MTA1: variants seen among roughly 807,000 people sequenced by gnomAD.
MTA1 encodes metastasis-associated protein MTA1.
Under a neutral mutation model 97.0 loss-of-function variants are expected in MTA1, and 15 were observed. The observed-to-expected ratio is 0.15, with a 90% CI of 0.10 to 0.24. The LOEUF (loss-of-function observed/expected upper bound fraction) is 0.24. Among genes scored for constraint, MTA1 ranks in the 10% least tolerant of loss-of-function variants. The pLI, the probability that MTA1 is intolerant of heterozygous loss-of-function variation, is 1.00. For synonymous variants in MTA1, 435 were observed against 417.5 expected, an observed-to-expected ratio of 1.04 and a Z score of -0.51; for missense variants, 709 against 1,015.1, an observed-to-expected ratio of 0.70 and a Z score of 4.10.
intron 7 of MTA1, among the ~76,000 whole-genome samples, chr14:105,457,109 C>T (rs1025142954): frequency 3.9e-5 from 6 of 152,214 alleles, no homozygotes; most frequent in African/African-American, 1.2e-4. Context: ...TCTGGAACCT[C>T]GGTGCTGCCC....
At chr14:105,435,856 G>A (rs1182130938) in intron 1 of MTA1, among the ~76,000 whole-genome samples, 1 of 152,142 alleles carries the variant, frequency 6.6e-6, no homozygotes, top group Non-Finnish European at 1.5e-5. Flanking sequence ...ACCCCTTCTC[G>A]TGTCAGTAGG....
rs367635719 is a variant in MTA1 at position 105,441,641 on chromosome 14, A to C, written c.96+2902A>C. Among the ~76,000 whole-genome samples, 722 of 152,282 alleles carry C rather than the reference A, an allele frequency of 4.7e-3. 5 individuals are homozygous for C. The highest frequency in any genetic ancestry group is 0.016 in the African/African-American group (685 of 41,548). On this transcript the variant is annotated intron_variant, in intron 2 of 20. Transcript: ENST00000331320. ...AACTCCGTCTCTACTAAAAATACAAAAAATTAGCCGGGCGTGGTGGCGGGC... is the reference window on the plus strand; with the variant it reads ...AACTCCGTCTCTACTAAAAATACAACAAATTAGCCGGGCGTGGTGGCGGGC...
intron 7 of MTA1, among the ~76,000 whole-genome samples, chr14:105,458,063 C>T (rs1477535144): frequency 6.6e-6 from 1 of 152,170 alleles, no homozygotes; most frequent in East Asian, 1.9e-4. Flanking sequence ...AGGCCCCTTG[C>T]GTGTGCACCC....
At chr14:105,450,826 G>A (rs1229212904) in intron 6 of MTA1, among the ~76,000 whole-genome samples, 1 of 152,224 alleles carries the variant, frequency 6.6e-6, no homozygotes, top group Non-Finnish European at 1.5e-5. Flanking sequence ...CAAAAAATGT[G>A]TCCCGACAAT....
intron 1 of MTA1, among the ~76,000 whole-genome samples, chr14:105,423,605 T>C (rs1181743680): frequency 1.3e-5 from 2 of 152,124 alleles, no homozygotes; most frequent in Non-Finnish European, 2.9e-5. Flanking sequence ...TTTGAAAGGA[T>C]GCCAGAAAGC....
chr14:105,464,322 G>A lies in MTA1; in HGVS notation c.1193-94G>A, dbSNP rs113963474. 4.1e-5 allele frequency: 62 copies of A among 1,520,966 alleles called. 1 individual carries two copies. The highest frequency in any genetic ancestry group is 3.3e-4 in the African/African-American group (24 of 73,442). The allele number at this position is 1,520,966 out of a possible 1,614,324, so 94.2% of individuals were successfully genotyped here. ...CGGGGAACGTGTGGGGGTGCCTGGC[G>A]GGTGGGGGCGGCCGGCGTGGGGGTG... On this transcript the variant is annotated intron_variant, in intron 13 of 20. Coordinates refer to ENST00000331320, the MANE Select transcript of MTA1 (RefSeq NM_004689.4).
chr14:105,464,319 G>C, intron 13 of MTA1, 97 bp from the exon 14 acceptor site: 1 of 1,498,178 alleles, frequency 6.7e-7, no homozygotes, highest in Non-Finnish European at 9.1e-7. Flanking sequence ...GGGGGTGCCT[G>C]GCGGGTGGGG....
chr14:105,430,053 G>A lies in MTA1; in HGVS notation c.29-8619G>A, dbSNP rs150812490. Among the ~76,000 whole-genome samples the A allele has an allele frequency of 8.5e-3, 1,296 of 152,208 alleles. 20 individuals carry two copies. Among genetic ancestry groups the A allele is most frequent in the African/African-American group, 0.029 (1,222 of 41,526 alleles). The stretch of plus-strand genomic sequence containing the variant: ...AATACAGGTGTGAGCCACTGCGCCC[G>A]ACCCACTTTTAGTTTCTTTCAGGAA... On this transcript the variant is annotated intron_variant, in intron 1 of 20. Coordinates refer to ENST00000331320, the MANE Select transcript of MTA1 (RefSeq NM_004689.4).
At chr14:105,453,932 T>C (rs781935441) in intron 6 of MTA1, among the ~76,000 whole-genome samples, 1 of 152,222 alleles carries the variant, frequency 6.6e-6, no homozygotes, top group Non-Finnish European at 1.5e-5. Flanking sequence ...CTGCCTCTGC[T>C]GACCCTCGGC....
At chr14:105,466,299 C>CAG (rs34378689) in intron 16 of MTA1, 127 bp from the exon 17 acceptor site, 162,378 of 832,274 alleles carry the variant, frequency 0.2, 17,495 homozygotes, top group African/African-American at 0.37. Flanking sequence ...GATGGGGCCT[C>CAG]GGGTGGGGGC....
intron 13 of MTA1, 105 bp from the exon 14 acceptor site, chr14:105,464,311 G>A: frequency 1.4e-6 from 2 of 1,461,414 alleles, no homozygotes; most frequent in Non-Finnish European, 1.9e-6. Flanking sequence ...GAACGTGTGG[G>A]GGTGCCTGGC....
intron 1 of MTA1, among the ~76,000 whole-genome samples, chr14:105,421,341 G>C (rs2081828518): frequency 6.6e-6 from 1 of 152,092 alleles, no homozygotes; most frequent in African/African-American, 2.4e-5. Flanking sequence ...GGAGGGGCCT[G>C]TTCCTTCCTG....
At chr14:105,437,192 G>T (rs1374683583) in intron 1 of MTA1, among the ~76,000 whole-genome samples, 1 of 152,258 alleles carries the variant, frequency 6.6e-6, no homozygotes. Flanking sequence ...TGCCCAAACA[G>T]GTGCGTCCTC....
intron 2 of MTA1, among the ~76,000 whole-genome samples, chr14:105,441,404 C>T (rs1057242123): frequency 3.3e-4 from 50 of 152,346 alleles, no homozygotes; most frequent in African/African-American, 1.1e-3. Flanking sequence ...CAGCGAGCTG[C>T]CCAGCACCGG....
rs2081770682 is a variant in MTA1 at position 105,420,012 on chromosome 14, C to T, written c.-24C>T. On this transcript the variant is annotated 5_prime_UTR_variant, in exon 1 of 21. Transcript: ENST00000331320. This position sits in a 1 kb window ranked among gnomAD's most constrained non-coding sequence, Gnocchi z 5.3. ...GCCGAGCGCCGCGCCCGCCCCGGGC[C>T]CCTCCGCCGCCGCCGGCCCGGACAT... 9.5e-7 allele frequency: 1 copy of T among 1,053,514 alleles called. No homozygotes were observed. Among genetic ancestry groups the T allele is most frequent in the African/African-American group, 1.7e-5 (1 of 57,868 alleles). 65.3% of individuals were successfully genotyped at this position (1,053,514 alleles called of 1,614,324 possible). A position where few individuals can be genotyped will look rare whatever the true frequency, so the allele number is the denominator to read the frequency against.
chr14:105,453,965 T>TG (rs1296181258), intron 6 of MTA1, among the ~76,000 whole-genome samples: 1 of 152,174 alleles, frequency 6.6e-6, no homozygotes, highest in Non-Finnish European at 1.5e-5. Context: ...TGCAGTGTCA[T>TG]GGGGCAGGTG....
At chr14:105,461,355 TTCTG>T (rs2083340605) in intron 10 of MTA1, among the ~76,000 whole-genome samples, 1 of 152,220 alleles carries the variant, frequency 6.6e-6, no homozygotes, top group Non-Finnish European at 1.5e-5. Flanking sequence ...TGTCCTTGTT[TTCTG>T]TCTCACGTGA....
chr14:105,431,069 T>A (rs1555423230), intron 1 of MTA1, among the ~76,000 whole-genome samples: 1 of 152,186 alleles, frequency 6.6e-6, no homozygotes, highest in Non-Finnish European at 1.5e-5. Flanking sequence ...CAGCAGCCAG[T>A]CGGTTATCCA....
Position 105,420,765 on chromosome 14 carries a change from C to T in MTA1, c.28+702C>T, listed in dbSNP as rs1010723144. Among the ~76,000 whole-genome samples the T allele has an allele frequency of 6.6e-6, 1 of 152,168 alleles. No individual in the cohort carries two copies. The highest frequency in any genetic ancestry group is 1.5e-5 in the Non-Finnish European group (1 of 68,008). ...TCCGTGGGCCCAGCCTCCTGTTGCT[C>T]GGGCCCCCCGGGCCTGCAGCTTTGA... is the stretch of plus-strand genomic sequence containing the variant. On this transcript the variant is annotated intron_variant, in intron 1 of 20. Transcript: ENST00000331320. This position sits in a 1 kb window ranked among gnomAD's most constrained non-coding sequence, Gnocchi z 5.3.
Sources: gnomAD v4.1 joint callset for allele counts (sites outside exome capture counted in the v4.1 genomes callset) on GRCh38, gnomAD v4.1.1 for gene constraint, Gnocchi (gnomAD v3.1) non-coding constraint, MANE v1.5 for transcripts, NCBI Gene and HGNC (gene_info 2026-07-23, HGNC 2026-07-21) for gene names.